The following IRF9 variants were observed in gnomAD, a reference collection of about 807,000 sequenced individuals.
The protein encoded by IRF9 is interferon regulatory factor 9, also known as IFN-alpha-responsive transcription factor subunit.
Under a neutral mutation model 44.1 loss-of-function variants are expected in IRF9, and 13 were observed. That is an observed-to-expected ratio of 0.29 (90% CI 0.19 to 0.47). The LOEUF (loss-of-function observed/expected upper bound fraction) is 0.47. Ranked by LOEUF, IRF9 falls within the 20% of genes least tolerant of loss-of-function variation. The pLI is 1.00. For missense variants in IRF9, 373 were observed against 496.1 expected, an observed-to-expected ratio of 0.75 and a Z score of 2.36; for synonymous variants, 189 against 188.5, an observed-to-expected ratio of 1.00 and a Z score of -0.02.
At chr14:24,162,671 A>G (rs1268447250) in intron 2 of IRF9, 4 of 440,258 alleles carry the variant, frequency 9.1e-6, no homozygotes, top group Non-Finnish European at 1.6e-5. Context: ...CTAGCGGTGC[A>G]TGCCTGTAGT....
Position 24,166,538 on chromosome 14 carries a change from TTAAAA to T in IRF9, c.*349_*353del. 2.5e-6 allele frequency: 1 copy of T among 400,992 alleles called. No homozygotes were observed. Among genetic ancestry groups the T allele is most frequent in the Non-Finnish European group, 4.4e-6 (1 of 226,996 alleles). 24.8% of individuals were successfully genotyped at this position (400,992 alleles called of 1,614,324 possible). ...TTCCTCTTAGATATTCACTAAGGAC[TTAAAA>T]TAAAATTTTATTGAAAGAGGAATCA... On this transcript the variant is annotated 3_prime_UTR_variant, in exon 9 of 9. Transcript: ENST00000396864.
rs1371911703 is a variant in IRF9 at position 24,164,938 on chromosome 14, C to T, written c.974C>T (p.Thr325Ile). 2 of 1,611,692 alleles carry T rather than the reference C, an allele frequency of 1.2e-6. No homozygotes were observed. The highest frequency in any genetic ancestry group is 1.7e-6 in the Non-Finnish European group (2 of 1,178,802). ...PSNECVELFR[T>I]AYFCRDLVRY... Reference sequence around the variant, plus strand: ...AACGAGTGCGTGGAGCTCTTCAGAACCGCCTACTTCTGCAGAGGTGAGGCT... The same window carrying T: ...AACGAGTGCGTGGAGCTCTTCAGAATCGCCTACTTCTGCAGAGGTGAGGCT... Residue 325 changes from threonine (T) to isoleucine (I), a missense_variant, in exon 7 of 9, where the codon ACC (threonine) becomes ATC (isoleucine). This residue lies in a region of IRF9 where 146 missense variants were observed against 240.8 expected (regional missense o/e 0.61). Coordinates refer to ENST00000396864, the MANE Select transcript of IRF9 (RefSeq NM_006084.5). The surrounding 1 kb of genome is among the most constrained non-coding windows in gnomAD (Gnocchi z 5.2).
At chr14:24,161,535 C>T (rs887467599) in intron 1 of IRF9, among the ~76,000 whole-genome samples, 197 bp downstream of exon 1, 1 of 152,214 alleles carries the variant, frequency 6.6e-6, no homozygotes, top group Non-Finnish European at 1.5e-5. Flanking sequence ...AGGCAAAGGT[C>T]AGGAGGACCT....
intron 7 of IRF9, chr14:24,165,156 A>G (rs2038508330): frequency 1.4e-6 from 1 of 707,984 alleles, no homozygotes; most frequent in Non-Finnish European, 2.6e-6. Flanking sequence ...GCTCTCCTCC[A>G]GCCAAGACAA....
rs1434973267 is a variant in IRF9 at position 24,164,197 on chromosome 14, T to A, written c.649+63T>A. On this transcript the variant is annotated intron_variant, in intron 6 of 8. Transcript: ENST00000396864. This position sits in a 1 kb window ranked among gnomAD's most constrained non-coding sequence, Gnocchi z 5.2. ...CCCTGAGGTCTTCCACCTTTGACTA[T>A]GCATGCATTATCTAGTCAGTCAGGG... is the stretch of plus-strand genomic sequence containing the variant. 3 of 1,336,364 alleles carry A rather than the reference T, an allele frequency of 2.2e-6. No homozygotes were observed. The African/African-American group carries it at 4.3e-5, about 19-fold the overall frequency. 82.8% of individuals were successfully genotyped at this position (1,336,364 alleles called of 1,614,324 possible).
At chr14:24,162,839 A>G in intron 2 of IRF9, 127 bp from the exon 3 acceptor site, 1 of 707,950 alleles carries the variant, frequency 1.4e-6, no homozygotes, top group South Asian at 2.1e-5. Flanking sequence ...CAAGATGGCA[A>G]CGCAGAGCAC....
chr14:24,162,378 C>G, intron 2 of IRF9, 54 bp downstream of exon 2: 1 of 1,519,058 alleles, frequency 6.6e-7, no homozygotes, highest in Non-Finnish European at 9.0e-7. Context: ...TGTATACACA[C>G]TGGTACACTC....
rs1566620542 is a variant in IRF9, at chr14:24,164,377, T to C, written c.650-237T>C. The C allele has an allele frequency of 6.6e-6, 4 of 605,224 alleles. No individual in the cohort carries two copies. The highest frequency in any genetic ancestry group is 2.8e-5 in the East Asian group (1 of 35,676). The allele number at this position is 605,224 out of a possible 1,614,324, so 37.5% of individuals were successfully genotyped here. On this transcript the variant is annotated intron_variant, in intron 6 of 8. Coordinates refer to ENST00000396864, the MANE Select transcript of IRF9 (RefSeq NM_006084.5). This position sits in a 1 kb window ranked among gnomAD's most constrained non-coding sequence, Gnocchi z 5.2. ...AATCTACATTGAGACATTGATTTCATTGGGCCAAACAGAGGCCCAATCTCA... is the reference window on the plus strand; with the variant it reads ...AATCTACATTGAGACATTGATTTCACTGGGCCAAACAGAGGCCCAATCTCA...
rs1424017635 is a variant in IRF9, at chr14:24,164,949, T to C, written c.985T>C (p.Cys329Arg). The C allele has an allele frequency of 4.7e-5, 75 of 1,611,050 alleles. No individual in the cohort carries two copies. The highest frequency in any genetic ancestry group is 6.1e-5 in the Non-Finnish European group (72 of 1,178,438). ...GGAGCTCTTCAGAACCGCCTACTTC[T>C]GCAGAGGTGAGGCTGTTCTCTCTGG... ...CVELFRTAYF[C>R]RDLVRYFQGL... Residue 329 changes from cysteine (C) to arginine (R), a missense_variant, in exon 7 of 9, where the codon TGC becomes CGC. Cys to Arg is a radical substitution (Grantham distance 180, BLOSUM62 -3). Transcript: ENST00000396864. This position sits in a 1 kb window ranked among gnomAD's most constrained non-coding sequence, Gnocchi z 5.2.
rs1450674262 is a variant in IRF9 at position 24,162,275 on chromosome 14, A to G, written c.131A>G (p.His44Arg). ...AKTMFRIPWK[H>R]AGKQDFREDQ... Reference sequence around the variant, plus strand: ...ACCATGTTCCGGATTCCCTGGAAACATGCAGGCAAGCAGGACTTCCGGGAG... The same window carrying G: ...ACCATGTTCCGGATTCCCTGGAAACGTGCAGGCAAGCAGGACTTCCGGGAG... The change falls in exon 2 of 9, where the codon CAT becomes CGT. Residue 44 changes from histidine to arginine, a missense_variant. This residue lies in a region of IRF9 where 227 missense variants were observed against 255.3 expected (regional missense o/e 0.89). Coordinates refer to ENST00000396864, the MANE Select transcript of IRF9 (RefSeq NM_006084.5). 2.5e-6 allele frequency: 4 copies of G among 1,614,180 alleles called. No individual in the cohort carries two copies. In the South Asian group the frequency reaches 3.3e-5, roughly 13 times the overall value.
rs915279385 is a variant in IRF9, at chr14:24,163,073, G to A, written c.288G>A (p.Glu96=). ...CALNKSSEFK[E]VPERGRMDVA... is the part of the protein sequence containing the mutation. ...TCAACAAGAGTTCTGAATTTAAGGAGGTTCCTGAGAGGGGCCGCATGGATG... is the reference window on the plus strand; with the variant it reads ...TCAACAAGAGTTCTGAATTTAAGGAAGTTCCTGAGAGGGGCCGCATGGATG... The change falls in exon 3 of 9, where the codon GAG becomes GAA. Residue 96 remains glutamate (E), a synonymous_variant. Transcript: ENST00000396864. The A allele has an allele frequency of 6.2e-7, 1 of 1,614,204 alleles. No homozygotes were observed. The highest frequency in any genetic ancestry group is 8.5e-7 in the Non-Finnish European group (1 of 1,180,038).
chr14:24,163,397 A>G lies in IRF9; in HGVS notation c.384A>G (p.Lys128=), dbSNP rs147268325. 2.5e-6 allele frequency: 4 copies of G among 1,614,124 alleles called. No individual in the cohort carries two copies. In the African/African-American group the frequency reaches 5.3e-5, roughly 22 times the overall value. Residue 128 remains lysine (K), a synonymous_variant, in exon 4 of 9, where the codon AAA becomes AAG. Transcript: ENST00000396864. ...CCACAGGCCAGCCAGGGACTCAGAAAGTACCATCAAAGCGACAGCACAGTT... is the reference window on the plus strand; with the variant it reads ...CCACAGGCCAGCCAGGGACTCAGAAGGTACCATCAAAGCGACAGCACAGTT... The part of the protein sequence containing the change: ...GIVSGQPGTQ[K]VPSKRQHSSV...
Position 24,166,203 on chromosome 14 carries a change from G to A in IRF9, c.*7G>A, listed in dbSNP as rs1397185742. 3.1e-6 allele frequency: 5 copies of A among 1,613,444 alleles called. No homozygotes were observed. The highest frequency in any genetic ancestry group is 4.2e-6 in the Non-Finnish European group (5 of 1,179,766). On this transcript the variant is annotated 3_prime_UTR_variant, in exon 9 of 9. Transcript: ENST00000396864. ...CATTCTGTCCCTGGTGTAGAGCCTGGGGGACCCATCTTCCACCTCACCTCT... is the reference window on the plus strand; with the variant it reads ...CATTCTGTCCCTGGTGTAGAGCCTGAGGGACCCATCTTCCACCTCACCTCT...
At chr14:24,166,004 A>G in intron 8 of IRF9, 42 bp downstream of exon 8, 1 of 1,590,516 alleles carries the variant, frequency 6.3e-7, no homozygotes, top group South Asian at 1.1e-5. Context: ...TAATGAGAGC[A>G]GAGACAGTGG....
chr14:24,164,522 G>A lies in IRF9; in HGVS notation c.650-92G>A. 1 of 1,236,546 alleles carries A rather than the reference G, an allele frequency of 8.1e-7. No homozygotes were observed. The highest frequency in any genetic ancestry group is 1.1e-6 in the Non-Finnish European group (1 of 882,060). The allele number at this position is 1,236,546 out of a possible 1,614,324, so 76.6% of individuals were successfully genotyped here. On this transcript the variant is annotated intron_variant, in intron 6 of 8. Transcript: ENST00000396864. The surrounding 1 kb of genome is among the most constrained non-coding windows in gnomAD (Gnocchi z 5.2). ...CCTGAGAGGAAGCCCCCTGGCTGGT[G>A]TGGGGAGGGGAGGTGGAGTTGTTCC...
At position 24,162,212 on chromosome 14, in the gene IRF9, G is replaced by C; in HGVS notation, c.68G>C (p.Gly23Ala). The stretch of plus-strand genomic sequence containing the variant: ...TGGGTGGTGGAGCAAGTGGAGAGTG[G>C]GCAGTTTCCCGGAGTGTGCTGGGAT... Reference protein sequence around the residue: ...RNWVVEQVESGQFPGVCWDDT... With the variant: ...RNWVVEQVESAQFPGVCWDDT... The change falls in exon 2 of 9, where the codon GGG becomes GCG. Residue 23 changes from glycine (G) to alanine (A), a missense_variant. Physicochemically the swap from Gly to Ala is moderately conservative, Grantham distance 60. This residue lies in a region of IRF9 where 227 missense variants were observed against 255.3 expected (regional missense o/e 0.89). Coordinates refer to ENST00000396864, the MANE Select transcript of IRF9 (RefSeq NM_006084.5). 1 of 1,614,146 alleles carries C rather than the reference G, an allele frequency of 6.2e-7. No homozygotes were observed. The highest frequency in any genetic ancestry group is 8.5e-7 in the Non-Finnish European group (1 of 1,180,040).
chr14:24,162,727 G>T (rs1197557800), intron 2 of IRF9: 2 of 497,670 alleles, frequency 4.0e-6, no homozygotes, highest in Non-Finnish European at 7.1e-6. Flanking sequence ...TTGAACCAGG[G>T]AGGTGGAGTT....
intron 7 of IRF9, 134 bp downstream of exon 7, chr14:24,165,089 C>T (rs747912258): frequency 3.5e-5 from 29 of 837,550 alleles, no homozygotes; most frequent in Admixed American, 1.8e-4. Context: ...GGCACTCCTG[C>T]GCTTGTGTGT....
Position 24,164,815 on chromosome 14 carries a change from AC to A in IRF9, c.856del (p.Arg286GlufsTer62). 1 of 1,609,600 alleles carries A rather than the reference AC, an allele frequency of 6.2e-7. No homozygotes were observed. Among genetic ancestry groups the A allele is most frequent in the Non-Finnish European group, 8.5e-7 (1 of 1,179,906 alleles). On this transcript the variant is annotated frameshift_variant, in exon 7 of 9. Coordinates refer to ENST00000396864, the MANE Select transcript of IRF9 (RefSeq NM_006084.5). LOFTEE classifies it high-confidence loss of function. The surrounding 1 kb of genome is among the most constrained non-coding windows in gnomAD (Gnocchi z 5.2). The part of the protein sequence containing the change: ...QLERGILVAS[N>X]PRGLFVQRLC... ...GAGAGGGGCATCCTAGTGGCCAGCA[AC>A]CCCCGAGGCCTCTTCGTGCAGCGCC... is the stretch of plus-strand genomic sequence containing the variant.
Sources: allele counts gnomAD v4.1 joint callset (sites outside exome capture counted in the v4.1 genomes callset), GRCh38; gene constraint gnomAD v4.1.1; regional missense constraint gnomAD v4.1.1; non-coding constraint Gnocchi (gnomAD v3.1); transcripts MANE v1.5; gene names NCBI Gene and HGNC (gene_info 2026-07-23, HGNC 2026-07-21).